The following COL16A1 variants were observed in gnomAD, a reference collection of about 807,000 sequenced individuals.
The protein encoded by COL16A1 is collagen alpha-1(XVI) chain.
In COL16A1, 189 loss-of-function variants were observed where a neutral mutation model predicts 266.3. That is an observed-to-expected ratio of 0.71 (90% CI 0.63 to 0.80). The LOEUF (loss-of-function observed/expected upper bound fraction) is 0.80, where lower values mean the gene tolerates loss of function less well. Ranked by LOEUF, COL16A1 falls within the 30% of genes least tolerant of loss-of-function variation. The pLI, the probability that COL16A1 is intolerant of heterozygous loss-of-function variation, is 0.00. For missense variants in COL16A1, 1,928 were observed against 2,122.4 expected (o/e 0.91, Z 1.80); for synonymous variants, 740 against 782.3 (o/e 0.95, Z 0.90).
At chr1:31,674,887 C>T (rs538284348) in intron 44 of COL16A1, 120 bp downstream of exon 44, 21 of 1,467,040 alleles carry the variant, frequency 1.4e-5, no homozygotes, top group Admixed American at 2.1e-5. Context: ...GCTTGGAATG[C>T]GTATTCCCTG....
intron 26 of COL16A1, 117 bp from the exon 27 acceptor site, chr1:31,686,396 T>A (rs768836800): frequency 2.2e-6 from 3 of 1,383,844 alleles, no homozygotes; most frequent in Non-Finnish European, 3.0e-6. Flanking sequence ...CCCTCTCATG[T>A]CCAGAGAGGA....
In COL16A1 at chr1:31,668,047, C is replaced by T. The variant is rs1015630354; in HGVS notation, c.3303+118G>A. 9 of 851,208 alleles carry T rather than the reference C, an allele frequency of 1.1e-5. No individual in the cohort carries two copies. In the African/African-American group the frequency reaches 1.4e-4, roughly 13 times the overall value. 52.7% of individuals were successfully genotyped at this position (851,208 alleles called of 1,614,324 possible). ...CATGGACTTTAGGCAAAGGAGGAGG[C>T]TGAAATGCCCGGTAATGGGGAGCCC... On this transcript the variant is annotated intron_variant, in intron 51 of 70. Transcript: ENST00000373672. This position sits in a 1 kb window ranked among gnomAD's most constrained non-coding sequence, Gnocchi z 5.8.
rs752845621 is a variant in COL16A1 at position 31,680,936 on chromosome 1, A to C, written c.2584-5T>G. 1.2e-6 allele frequency: 2 copies of C among 1,614,174 alleles called. No homozygotes were observed. The highest frequency in any genetic ancestry group is 3.3e-5 in the Admixed American group (2 of 60,026). On this transcript the variant is annotated splice_region_variant and splice_polypyrimidine_tract_variant and intron_variant, in intron 38 of 70. Transcript: ENST00000373672. ...TCCTCGTGGTCCTTTTTCACCCTGCAGGGAAGAAACACAGGAAGGTGAGCA... is the reference window on the plus strand; with the variant it reads ...TCCTCGTGGTCCTTTTTCACCCTGCCGGGAAGAAACACAGGAAGGTGAGCA...
chr1:31,681,037 G>A lies in COL16A1; in HGVS notation c.2569C>T (p.Leu857Phe), dbSNP rs567332031. Residue 857 changes from leucine to phenylalanine, a missense_variant, in exon 38 of 71, where the codon CTC becomes TTC. Coordinates refer to ENST00000373672, the MANE Select transcript of COL16A1 (RefSeq NM_001856.4). ...GRDGQQGQTG[L>F]RGTPGEKGPR... ...ACTGTACTCACTGGTGTTCCTCTGAGTCCCGTCTGTCCTTGCTGCCCATCA... is the reference window on the plus strand; with the variant it reads ...ACTGTACTCACTGGTGTTCCTCTGAATCCCGTCTGTCCTTGCTGCCCATCA... 5.3e-5 allele frequency: 86 copies of A among 1,613,644 alleles called. No homozygotes were observed. Among genetic ancestry groups the A allele is most frequent in the Non-Finnish European group, 6.8e-5 (80 of 1,179,830 alleles).
At chr1:31,662,506 C>T (rs887693538) in intron 57 of COL16A1, 81 bp downstream of exon 57, 1 of 1,547,594 alleles carries the variant, frequency 6.5e-7, no homozygotes, top group Non-Finnish European at 8.7e-7. Context: ...AGCACACACA[C>T]ACAGGTGCAC....
rs74063958 is a variant in COL16A1 at position 31,683,335 on chromosome 1, T to A, written c.2414A>T (p.Gln805Leu). 3,202 of 1,614,154 alleles carry A rather than the reference T, an allele frequency of 2.0e-3. 60 individuals carry two copies. The African/African-American group carries it at 0.038, about 19-fold the overall frequency. Residue 805 changes from glutamine to leucine, a missense_variant and splice_region_variant, in exon 35 of 71, where the codon CAG becomes CTG. By Grantham distance (113) the Gln-to-Leu change is moderately radical. Transcript: ENST00000373672. ...CCTTCAGGACTCAGGCAGACGTACC[T>A]GAATGCCAGGCAAACCCGGGGCTCC... ...EPGAPGLPGIQGLPGPRGPPG... is the reference protein window; with the variant it reads ...EPGAPGLPGILGLPGPRGPPG...
intron 1 of COL16A1, among the ~76,000 whole-genome samples, chr1:31,703,397 C>T (rs911085499): frequency 1.3e-5 from 2 of 152,150 alleles, no homozygotes; most frequent in African/African-American, 4.8e-5. Context: ...ACTGTGCCCC[C>T]AGCCTGCCTA....
intron 9 of COL16A1, 49 bp from the exon 10 acceptor site, chr1:31,695,836 C>T (rs202175240): frequency 3.1e-5 from 49 of 1,560,514 alleles, no homozygotes; most frequent in Admixed American, 1.3e-4. Context: ...CTCAGGGGGC[C>T]GAGCACTGTT....
At chr1:31,690,642 C>T (rs1354401178) in intron 20 of COL16A1, 69 bp from the exon 21 acceptor site, 6 of 1,574,118 alleles carry the variant, frequency 3.8e-6, no homozygotes, top group Non-Finnish European at 4.3e-6. Flanking sequence ...TCCCCCTTCC[C>T]CACCCGTGCC....
rs767594499 is a variant in COL16A1, at chr1:31,702,226, A to G, written c.-33T>C. The G allele has an allele frequency of 6.2e-7, 1 of 1,613,818 alleles. No homozygotes were observed. The highest frequency in any genetic ancestry group is 8.5e-7 in the Non-Finnish European group (1 of 1,179,808). ...CAAAGAGGTCAGCTACAGCCACAGC[A>G]CCTGAAAACCACAGAGACCGGGAAG... is the stretch of plus-strand genomic sequence containing the variant. On this transcript the variant is annotated splice_region_variant and 5_prime_UTR_variant, in exon 2 of 71. Transcript: ENST00000373672.
rs748851295 is a variant in COL16A1 at position 31,698,614 on chromosome 1, T to C, written c.267-8A>G. The C allele has an allele frequency of 1.9e-6, 3 of 1,613,624 alleles. No homozygotes were observed. Among genetic ancestry groups the C allele is most frequent in the Non-Finnish European group, 2.5e-6 (3 of 1,179,924 alleles). The stretch of plus-strand genomic sequence containing the variant: ...CCCCGAGGGAATACTCTTCTGGAGA[T>C]GGAGCAGGGAGGGTGCCCTGAGGCT... On this transcript the variant is annotated splice_polypyrimidine_tract_variant and splice_region_variant and intron_variant, in intron 4 of 70. Coordinates refer to ENST00000373672, the MANE Select transcript of COL16A1 (RefSeq NM_001856.4). The surrounding 1 kb of genome is among the most constrained non-coding windows in gnomAD (Gnocchi z 4.1).
chr1:31,652,529 A>G lies in COL16A1; in HGVS notation c.*122T>C, dbSNP rs1047681941. 7.9e-6 allele frequency: 9 copies of G among 1,132,502 alleles called. No homozygotes were observed. The Admixed American group carries it at 2.5e-4, about 31-fold the overall frequency. 70.2% of individuals were successfully genotyped at this position (1,132,502 alleles called of 1,614,324 possible). ...TTTGTTTCTTTATTATTTAAAAAAT[A>G]TTAACAGCAATTAAAAACAACAACA... On this transcript the variant is annotated 3_prime_UTR_variant, in exon 71 of 71. Transcript: ENST00000373672. The surrounding 1 kb of genome is among the most constrained non-coding windows in gnomAD (Gnocchi z 4.8).
At chr1:31,660,692 A>G (rs1449449243) in intron 61 of COL16A1, 54 bp from the exon 62 acceptor site, 3 of 1,608,716 alleles carry the variant, frequency 1.9e-6, no homozygotes, top group African/African-American at 2.7e-5. Context: ...TGCTTGCACC[A>G]TGTGGCTGTC....
At chr1:31,661,294 C>T in intron 60 of COL16A1, 120 bp downstream of exon 60, 2 of 1,550,626 alleles carry the variant, frequency 1.3e-6, no homozygotes, top group Non-Finnish European at 8.8e-7. Flanking sequence ...GCACCAGTGG[C>T]CCCAGGAGGC....
At position 31,683,330 on chromosome 1, in the gene COL16A1, G is replaced by T; in HGVS notation, c.2415+4C>A. ...ATCCTCCTTCAGGACTCAGGCAGACGTACCTGAATGCCAGGCAAACCCGGG... is the reference window on the plus strand; with the variant it reads ...ATCCTCCTTCAGGACTCAGGCAGACTTACCTGAATGCCAGGCAAACCCGGG... On this transcript the variant is annotated splice_donor_region_variant and intron_variant, in intron 35 of 70. Transcript: ENST00000373672. The T allele has an allele frequency of 6.2e-7, 1 of 1,614,182 alleles. No individual in the cohort carries two copies. Among genetic ancestry groups the T allele is most frequent in the Non-Finnish European group, 8.5e-7 (1 of 1,180,042 alleles).
Position 31,697,332 on chromosome 1 carries a change from A to G in COL16A1, c.658-32T>C, listed in dbSNP as rs929882742. 1 of 1,568,628 alleles carries G rather than the reference A, an allele frequency of 6.4e-7. No homozygotes were observed. Among genetic ancestry groups the G allele is most frequent in the South Asian group, 1.2e-5 (1 of 86,070 alleles). ...GAGACACACACATCAATTTCACTTC[A>G]TTTTATCAAATAGCTCTGTGTCCTG... On this transcript the variant is annotated intron_variant, in intron 6 of 70. Coordinates refer to ENST00000373672, the MANE Select transcript of COL16A1 (RefSeq NM_001856.4). The surrounding 1 kb of genome is among the most constrained non-coding windows in gnomAD (Gnocchi z 4.2).
At position 31,658,590 on chromosome 1, in the gene COL16A1, A is replaced by G. The variant is rs746877223; in HGVS notation, c.3931-13T>C. On this transcript the variant is annotated splice_polypyrimidine_tract_variant and intron_variant, in intron 63 of 70. Coordinates refer to ENST00000373672, the MANE Select transcript of COL16A1 (RefSeq NM_001856.4). Reference sequence around the variant, plus strand: ...CTCCTTTCAGACCCTAGAGAATAGGAAGGGGGACAGTGAGAGGGGAGGAAA... The same window carrying G: ...CTCCTTTCAGACCCTAGAGAATAGGGAGGGGGACAGTGAGAGGGGAGGAAA... The G allele has an allele frequency of 5.6e-6, 9 of 1,593,804 alleles. No homozygotes were observed. In the South Asian group the frequency reaches 9.2e-5, roughly 16 times the overall value.
Position 31,652,934 on chromosome 1 carries a change from A to G in COL16A1, c.4613-81T>C, listed in dbSNP as rs1640757184. ...AGAAGCCATAATGGCATCAAATAAT[A>G]CCTTACATTTGATGACTGTTTCTCA... On this transcript the variant is annotated intron_variant, in intron 70 of 70. Transcript: ENST00000373672. The surrounding 1 kb of genome is among the most constrained non-coding windows in gnomAD (Gnocchi z 4.8). The G allele has an allele frequency of 1.5e-6, 2 of 1,291,666 alleles. No individual in the cohort carries two copies. The highest frequency in any genetic ancestry group is 1.0e-6 in the Non-Finnish European group (1 of 984,778). The allele number at this position is 1,291,666 out of a possible 1,614,324, so 80.0% of individuals were successfully genotyped here.
chr1:31,678,212 A>G (rs948240882), intron 42 of COL16A1, among the ~76,000 whole-genome samples: 6 of 152,332 alleles, frequency 3.9e-5, no homozygotes, highest in South Asian at 2.1e-4. Context: ...GGGAGGGAAG[A>G]TACAAAATCT....
Sources: gnomAD v4.1 joint callset for allele counts (sites outside exome capture counted in the v4.1 genomes callset) on GRCh38, gnomAD v4.1.1 for gene constraint, Gnocchi (gnomAD v3.1) non-coding constraint, MANE v1.5 for transcripts, NCBI Gene and HGNC (gene_info 2026-07-23, HGNC 2026-07-21) for gene names.